Variants in CCDC141 observed in about 807,000 individuals in gnomAD.
CCDC141 encodes the protein coiled-coil domain containing 141, also known as coiled-coil domain-containing protein 141.
Under a neutral mutation model 181.0 loss-of-function variants are expected in CCDC141, and 168 were observed. That is an observed-to-expected ratio of 0.93 (90% confidence interval 0.82 to 1.05). The LOEUF is 1.05. Among genes scored for constraint, CCDC141 ranks in the 50% least tolerant of loss-of-function variants. The pLI is 0.00. For synonymous variants in CCDC141, 666 were observed against 642.3 expected (o/e 1.04, Z -0.56); for missense variants, 1,902 against 1,788.5 (o/e 1.06, Z -1.14).
intron 8 of CCDC141, among the ~76,000 whole-genome samples, chr2:178,903,231 A>G (rs1024238197): frequency 6.7e-6 from 1 of 149,966 alleles, no homozygotes; most frequent in African/African-American, 2.4e-5. Context: ...TAGAAATACC[A>G]TTTGACCCAG....
intron 2 of CCDC141, among the ~76,000 whole-genome samples, chr2:179,001,328 G>A (rs1046056315): frequency 1.3e-5 from 2 of 152,178 alleles, no homozygotes; most frequent in African/African-American, 2.4e-5. Flanking sequence ...TAGAGGAAAC[G>A]AAGAAAGGAG....
At chr2:178,983,850 GA>G (rs1575303716) in intron 2 of CCDC141, among the ~76,000 whole-genome samples, 1 of 151,334 alleles carries the variant, frequency 6.6e-6, no homozygotes, top group East Asian at 2.0e-4. Context: ...TGGTGTACCT[GA>G]AAGTGATGGG....
chr2:179,017,157 A>G (rs2042565608), intron 2 of CCDC141, among the ~76,000 whole-genome samples: 1 of 152,110 alleles, frequency 6.6e-6, no homozygotes, highest in Non-Finnish European at 1.5e-5. Flanking sequence ...ATTTACAACA[A>G]AAGAAAGTGC....
intron 2 of CCDC141, among the ~76,000 whole-genome samples, chr2:179,001,565 G>T (rs2041979256): frequency 2.0e-5 from 3 of 152,146 alleles, no homozygotes; most frequent in Non-Finnish European, 4.4e-5. Context: ...AAGATCAGAG[G>T]AGGAGGTAAA....
intron 11 of CCDC141, among the ~76,000 whole-genome samples, chr2:178,880,656 C>T (rs1363223987): frequency 6.6e-6 from 1 of 152,158 alleles, no homozygotes; most frequent in Non-Finnish European, 1.5e-5. Flanking sequence ...CTTGATCCTG[C>T]ACACCTCACC....
chr2:178,920,618 T>C (rs1688644717), intron 6 of CCDC141, among the ~76,000 whole-genome samples: 1 of 151,408 alleles, frequency 6.6e-6, no homozygotes, highest in African/African-American at 2.4e-5. Flanking sequence ...AGCTACTCGG[T>C]GGGGCTGAGG....
chr2:179,042,567 C>A (rs2043341639), intron 2 of CCDC141, among the ~76,000 whole-genome samples: 1 of 152,132 alleles, frequency 6.6e-6, no homozygotes, highest in South Asian at 2.1e-4. Context: ...AGGCTGGTCT[C>A]AAATTCCTGA....
intron 21 of CCDC141, among the ~76,000 whole-genome samples, chr2:178,848,362 G>A (rs1685027293): frequency 6.6e-6 from 1 of 152,204 alleles, no homozygotes; most frequent in Non-Finnish European, 1.5e-5. Flanking sequence ...GGAAGAGTTT[G>A]TAGTAGAGTG....
At chr2:178,962,540 G>C (rs781525367) in intron 4 of CCDC141, among the ~76,000 whole-genome samples, 14 of 151,998 alleles carry the variant, frequency 9.2e-5, no homozygotes, top group African/African-American at 3.4e-4. Flanking sequence ...CAATGCACCA[G>C]ACTTTAGCCA....
intron 6 of CCDC141, among the ~76,000 whole-genome samples, chr2:178,923,977 C>T (rs1281440028): frequency 6.6e-6 from 1 of 152,110 alleles, no homozygotes; most frequent in Non-Finnish European, 1.5e-5. Flanking sequence ...AACAATTATC[C>T]AGCAAGCAGA....
At chr2:178,839,608 T>A (rs75260489) in intron 22 of CCDC141, among the ~76,000 whole-genome samples, 48,876 of 98,544 alleles carry the variant, frequency 0.5, 13,126 homozygotes, top group East Asian at 0.81. Context: ...AAAAAAAAAA[T>A]GTGTTTTCAG....
chr2:178,877,981 G>A lies in CCDC141; in HGVS notation c.1882C>T (p.Leu628Phe). 1 of 1,613,426 alleles carries A rather than the reference G, an allele frequency of 6.2e-7. No individual in the cohort carries two copies. Among genetic ancestry groups the A allele is most frequent in the Non-Finnish European group, 8.5e-7 (1 of 1,179,576 alleles). ...FITQDLGLEF[L>F]NLINMAKENE... Reference sequence around the variant, plus strand: ...ATTCTTACCATATTTATTAAATTAAGGAACTCAAGCCCTAGATCTTGTGTT... The same window carrying A: ...ATTCTTACCATATTTATTAAATTAAAGAACTCAAGCCCTAGATCTTGTGTT... The change falls in exon 12 of 24, where the codon CTT becomes TTT. Residue 628 changes from leucine (L) to phenylalanine (F), a missense_variant. Physicochemically the swap from Leu to Phe is conservative, Grantham distance 22. Coordinates refer to ENST00000443758, the MANE Select transcript of CCDC141 (RefSeq NM_173648.4).
At chr2:178,968,757 T>C (rs181038332) in intron 4 of CCDC141, among the ~76,000 whole-genome samples, 191 of 151,936 alleles carry the variant, frequency 1.3e-3, no homozygotes, top group Middle Eastern at 3.4e-3. Context: ...CTGAAGGAGA[T>C]AGAAACACTA....
chr2:178,834,753 AT>A (rs934088322), intron 23 of CCDC141, among the ~76,000 whole-genome samples: 11 of 150,814 alleles, frequency 7.3e-5, no homozygotes, highest in African/African-American at 2.7e-4. Flanking sequence ...TTTATTTTTT[AT>A]TTTTTTTAAG....
intron 4 of CCDC141, among the ~76,000 whole-genome samples, chr2:178,963,387 G>A (rs975063267): frequency 1.3e-5 from 2 of 152,076 alleles, no homozygotes; most frequent in Admixed American, 1.3e-4. Flanking sequence ...ACAGTATCTC[G>A]AAAGAATAAC....
downstream of CCDC141, among the ~76,000 whole-genome samples, chr2:178,827,209 C>T (rs563039755): frequency 6.6e-6 from 1 of 151,868 alleles, no homozygotes; most frequent in African/African-American, 2.4e-5. Flanking sequence ...GGTCTGAAAA[C>T]CTGCTTTTGT....
chr2:179,041,270 T>G (rs1234115641), intron 2 of CCDC141, among the ~76,000 whole-genome samples: 1 of 152,106 alleles, frequency 6.6e-6, no homozygotes, highest in Admixed American at 6.6e-5. Context: ...TTTTGTATTT[T>G]TAATAGAGAC....
chr2:178,864,149 CA>C (rs1454046154), intron 17 of CCDC141, among the ~76,000 whole-genome samples: 2 of 151,964 alleles, frequency 1.3e-5, no homozygotes, highest in Non-Finnish European at 2.9e-5. Context: ...GCCCAACCAT[CA>C]CTGCAAAGAG....
chr2:179,025,832 G>C (rs1264846695), intron 2 of CCDC141, among the ~76,000 whole-genome samples: 1 of 152,190 alleles, frequency 6.6e-6, no homozygotes, highest in East Asian at 1.9e-4. Flanking sequence ...GGACAATAAA[G>C]TCCAGGCTGA....
Sources: allele counts gnomAD v4.1 joint callset (sites outside exome capture counted in the v4.1 genomes callset), GRCh38; gene constraint gnomAD v4.1.1; transcripts MANE v1.5; gene names NCBI Gene and HGNC (gene_info 2026-07-23, HGNC 2026-07-21).